The following PDGFD variants were observed in gnomAD, a reference collection of about 807,000 sequenced individuals.
PDGFD encodes platelet-derived growth factor D.
PDGFD carries 30 observed loss-of-function variants against 44.7 expected under a neutral mutation model. That is an observed-to-expected ratio of 0.67 (90% confidence interval 0.50 to 0.91). The LOEUF (loss-of-function observed/expected upper bound fraction) is 0.91. Among genes scored for constraint, PDGFD ranks in the 40% least tolerant of loss-of-function variants. The probability of loss-of-function intolerance (pLI) is 0.00; values close to 1 mark genes in which losing one functional copy is unlikely to be tolerated. For missense variants in PDGFD, 445 were observed against 457.8 expected (o/e 0.97, Z 0.25); for synonymous variants, 173 against 168.4 (o/e 1.03, Z -0.21).
chr11:103,970,185 CT>C (rs1358382421), intron 3 of PDGFD, among the ~76,000 whole-genome samples: 3 of 152,002 alleles, frequency 2.0e-5, no homozygotes, highest in African/African-American at 7.2e-5. Flanking sequence ...GATATACATC[CT>C]CTTTGAGTTG....
At chr11:103,946,621 GCCTGA>G (rs1336205419) in intron 4 of PDGFD, 1 of 152,224 alleles carries the variant, frequency 6.6e-6, no homozygotes, top group Non-Finnish European at 1.5e-5. Context: ...CTCCTGCTTA[GCCTGA>G]GCACCTCTTC....
At chr11:103,966,070 AT>A (rs1859015874) in intron 3 of PDGFD, among the ~76,000 whole-genome samples, 2 of 152,172 alleles carry the variant, frequency 1.3e-5, no homozygotes, top group African/African-American at 4.8e-5. Context: ...GAACTGTGTA[AT>A]AACATTTAAT....
intron 1 of PDGFD, among the ~76,000 whole-genome samples, chr11:104,027,690 T>C (rs1565313987): frequency 6.6e-6 from 1 of 152,226 alleles, no homozygotes; most frequent in Non-Finnish European, 1.5e-5. Context: ...TGTGTTTATG[T>C]GACTATTTTT....
intron 1 of PDGFD, among the ~76,000 whole-genome samples, chr11:104,050,418 T>C (rs1019467249): frequency 2.6e-5 from 4 of 152,156 alleles, no homozygotes; most frequent in Admixed American, 2.0e-4. Context: ...TAGTTGAATT[T>C]CAGGCCAGTC....
chr11:104,053,801 T>C (rs1484277724), intron 1 of PDGFD, among the ~76,000 whole-genome samples: 1 of 152,166 alleles, frequency 6.6e-6, no homozygotes, highest in Non-Finnish European at 1.5e-5. Flanking sequence ...TAAAATTTGA[T>C]GAATCTATAA....
At chr11:104,108,390 G>A (rs1184826895) in intron 1 of PDGFD, among the ~76,000 whole-genome samples, 1 of 151,912 alleles carries the variant, frequency 6.6e-6, no homozygotes, top group East Asian at 1.9e-4. Flanking sequence ...AGTGGGCAAA[G>A]GATATGAACA....
rs535563973 is a variant in PDGFD at position 103,981,712 on chromosome 11, G to A, written c.510+14353C>T. 4.0e-5 allele frequency among the ~76,000 whole-genome samples: 6 copies of A among 151,736 alleles called. No homozygotes were observed. The South Asian group carries it at 1.0e-3, about 26-fold the overall frequency. On this transcript the variant is annotated intron_variant, in intron 3 of 6. Coordinates refer to ENST00000393158, the MANE Select transcript of PDGFD (RefSeq NM_025208.5). The stretch of plus-strand genomic sequence containing the variant: ...ACAAAAAAATCAAATGAATGGTTTT[G>A]GAGTGTTTGAAAACCTGGAAAGCTC...
At chr11:104,146,353 C>T (rs1295524180) in intron 1 of PDGFD, among the ~76,000 whole-genome samples, 1 of 152,164 alleles carries the variant, frequency 6.6e-6, no homozygotes, top group East Asian at 1.9e-4. Flanking sequence ...AAAAGCAACA[C>T]AATTGCCATG....
chr11:103,964,731 C>A (rs1203734023), intron 3 of PDGFD, among the ~76,000 whole-genome samples: 1 of 151,994 alleles, frequency 6.6e-6, no homozygotes, highest in Non-Finnish European at 1.5e-5. Context: ...GCACAGGGAG[C>A]AGGTGAGGTC....
In PDGFD at chr11:104,073,156, TA is replaced by T. The variant is rs563109032; in HGVS notation, c.125-72902del. 6.3e-3 allele frequency among the ~76,000 whole-genome samples: 962 copies of T among 152,100 alleles called. 4 individuals are homozygous for T. Among genetic ancestry groups the T allele is most frequent in the Non-Finnish European group, 9.3e-3 (632 of 67,920 alleles). On this transcript the variant is annotated intron_variant, in intron 1 of 6. Coordinates refer to ENST00000393158, the MANE Select transcript of PDGFD (RefSeq NM_025208.5). Reference sequence around the variant, plus strand: ...TTAGTTTTATCCTCCAAAATTAGCATAAAAAAAGATTCAACTATATAAGCTG... The same window carrying T: ...TTAGTTTTATCCTCCAAAATTAGCATAAAAAAGATTCAACTATATAAGCTG...
intron 1 of PDGFD, among the ~76,000 whole-genome samples, chr11:104,135,168 TTTAA>T (rs1565345240): frequency 3.0e-5 from 3 of 100,478 alleles, no homozygotes; most frequent in Non-Finnish European, 4.3e-5. Flanking sequence ...ACATTTAACA[TTTAA>T]CACAGTTTCT....
At chr11:104,122,262 CTT>C (rs1164568720) in intron 1 of PDGFD, among the ~76,000 whole-genome samples, 6 of 151,174 alleles carry the variant, frequency 4.0e-5, no homozygotes, top group African/African-American at 1.5e-4. Flanking sequence ...CATTTTTCCT[CTT>C]TTTTTTTGTT....
chr11:104,013,075 A>T (rs927284848), intron 1 of PDGFD, among the ~76,000 whole-genome samples: 2 of 152,206 alleles, frequency 1.3e-5, no homozygotes, highest in African/African-American at 4.8e-5. Flanking sequence ...CTGGCAGAGG[A>T]GCAGAGCAGT....
At chr11:103,991,344 C>A (rs1448992075) in intron 3 of PDGFD, among the ~76,000 whole-genome samples, 1 of 152,112 alleles carries the variant, frequency 6.6e-6, no homozygotes, top group East Asian at 1.9e-4. Context: ...CCTTCTCCAT[C>A]TTCTTCCTTT....
chr11:104,074,699 TC>T (rs1860929656), intron 1 of PDGFD, among the ~76,000 whole-genome samples: 1 of 152,080 alleles, frequency 6.6e-6, no homozygotes, highest in Non-Finnish European at 1.5e-5. Context: ...AAAATCACAC[TC>T]AGTGAAAAAG....
At chr11:103,934,705 G>T (rs1858460099) in intron 5 of PDGFD, among the ~76,000 whole-genome samples, 1 of 152,074 alleles carries the variant, frequency 6.6e-6, no homozygotes, top group African/African-American at 2.4e-5. Context: ...AAAATCATCA[G>T]ATCTTGTGCC....
intron 3 of PDGFD, among the ~76,000 whole-genome samples, chr11:103,982,506 C>A (rs1268290848): frequency 6.6e-6 from 1 of 151,682 alleles, no homozygotes; most frequent in African/African-American, 2.4e-5. Flanking sequence ...AAAAGCAGCA[C>A]AAGACAAGGA....
chr11:103,925,964 G>T (rs1858308239), intron 6 of PDGFD, among the ~76,000 whole-genome samples: 1 of 151,862 alleles, frequency 6.6e-6, no homozygotes, highest in African/African-American at 2.4e-5. Flanking sequence ...CCTGACCTCA[G>T]GTGATCCACC....
At chr11:104,090,771 T>C (rs989262157) in intron 1 of PDGFD, among the ~76,000 whole-genome samples, 2 of 151,834 alleles carry the variant, frequency 1.3e-5, no homozygotes, top group African/African-American at 2.4e-5. Context: ...ATGGAATAAA[T>C]TACTCTTTCT....
Sources: allele counts gnomAD v4.1 joint callset (sites outside exome capture counted in the v4.1 genomes callset), GRCh38; gene constraint gnomAD v4.1.1; transcripts MANE v1.5; gene names NCBI Gene and HGNC (gene_info 2026-07-23, HGNC 2026-07-21).